The following UBE2Q2 variants were observed in gnomAD, a reference collection of about 807,000 sequenced individuals.
The protein encoded by UBE2Q2 is ubiquitin-conjugating enzyme E2 Q2.
In UBE2Q2, 54 loss-of-function variants were observed where a neutral mutation model predicts 59.9. That is an observed-to-expected ratio of 0.90 (90% CI 0.72 to 1.13). The LOEUF is 1.13. UBE2Q2 is among the 50% of genes most tolerant of loss of function. UBE2Q2 has a pLI of 0.00. For missense variants in UBE2Q2, 433 were observed against 441.9 expected, an observed-to-expected ratio of 0.98 and a Z score of 0.18; for synonymous variants, 165 against 155.2, an observed-to-expected ratio of 1.06 and a Z score of -0.47.
At chr15:75,844,786 A>AG (rs1308298702) in intron 1 of UBE2Q2, among the ~76,000 whole-genome samples, 1 of 152,168 alleles carries the variant, frequency 6.6e-6, no homozygotes, top group Non-Finnish European at 1.5e-5. Flanking sequence ...ATAGGCGTCA[A>AG]GGTGGTGGCT....
intron 2 of UBE2Q2, 110 bp downstream of exon 2, chr15:75,854,597 G>A (rs181409000): frequency 9.4e-5 from 62 of 661,320 alleles, no homozygotes; most frequent in Non-Finnish European, 1.2e-5. Flanking sequence ...TTATAATCTT[G>A]TAGGAATTAA....
chr15:75,857,338 CTAAAA>C (rs1474254437), intron 2 of UBE2Q2, among the ~76,000 whole-genome samples: 3 of 152,030 alleles, frequency 2.0e-5, no homozygotes, highest in Non-Finnish European at 4.4e-5. Context: ...TTTTCAGTAT[CTAAAA>C]TATTACATAA....
intron 3 of UBE2Q2, among the ~76,000 whole-genome samples, chr15:75,863,075 A>G (rs191936710): frequency 2.6e-5 from 4 of 152,284 alleles, no homozygotes; most frequent in East Asian, 3.9e-4. Context: ...AGTGTGTTTC[A>G]GGGCCTGGAA....
intron 11 of UBE2Q2, among the ~76,000 whole-genome samples, chr15:75,894,772 T>G (rs1899302599): frequency 6.6e-6 from 1 of 152,098 alleles, no homozygotes; most frequent in African/African-American, 2.4e-5. Flanking sequence ...AACATTCTTA[T>G]TTTCTCCTTG....
intron 1 of UBE2Q2, among the ~76,000 whole-genome samples, chr15:75,850,441 C>T (rs1375930419): frequency 1.3e-5 from 2 of 152,090 alleles, no homozygotes; most frequent in African/African-American, 4.8e-5. Flanking sequence ...GAATTCTGAC[C>T]ACCCCAAGGT....
chr15:75,888,053 C>G (rs1254222840), intron 9 of UBE2Q2, among the ~76,000 whole-genome samples: 1 of 152,160 alleles, frequency 6.6e-6, no homozygotes, highest in Admixed American at 6.5e-5. Flanking sequence ...TTCTTTATTT[C>G]TTGACATAGC....
intron 3 of UBE2Q2, among the ~76,000 whole-genome samples, chr15:75,862,562 A>G (rs1421049724): frequency 6.6e-6 from 1 of 151,406 alleles, no homozygotes; most frequent in Non-Finnish European, 1.5e-5. Context: ...CACACGTATA[A>G]TCTGAGTGCT....
At chr15:75,861,907 C>T (rs1399130880) in intron 3 of UBE2Q2, among the ~76,000 whole-genome samples, 1 of 152,194 alleles carries the variant, frequency 6.6e-6, no homozygotes, top group African/African-American at 2.4e-5. Flanking sequence ...TGCTCAGCTG[C>T]AGTGGAATGT....
intron 12 of UBE2Q2, among the ~76,000 whole-genome samples, chr15:75,897,329 C>G (rs1156618775): frequency 6.6e-6 from 1 of 152,086 alleles, no homozygotes; most frequent in Non-Finnish European, 1.5e-5. Context: ...AGCTCCGCCT[C>G]CCAGGTTCAT....
chr15:75,899,534 G>C lies in UBE2Q2; in HGVS notation c.*76G>C. ...TCTAACATGCAGACAAAAGCTTTGAGTGCCCCTATTACAGCAGTACCGAAG... is the reference window on the plus strand; with the variant it reads ...TCTAACATGCAGACAAAAGCTTTGACTGCCCCTATTACAGCAGTACCGAAG... On this transcript the variant is annotated 3_prime_UTR_variant, in exon 13 of 13. Coordinates refer to ENST00000267938, the MANE Select transcript of UBE2Q2 (RefSeq NM_173469.4). 1 of 1,262,408 alleles carries C rather than the reference G, an allele frequency of 7.9e-7. No individual in the cohort carries two copies. The highest frequency in any genetic ancestry group is 1.1e-6 in the Non-Finnish European group (1 of 889,568). 78.2% of individuals were successfully genotyped at this position (1,262,408 alleles called of 1,614,324 possible). A position where few individuals can be genotyped will look rare whatever the true frequency, so the allele number is the denominator to read the frequency against.
chr15:75,866,631 A>C (rs987340947), intron 3 of UBE2Q2, among the ~76,000 whole-genome samples: 1 of 152,056 alleles, frequency 6.6e-6, no homozygotes, highest in Admixed American at 6.5e-5. Flanking sequence ...TCTCTTACTT[A>C]CATCTCTTCT....
chr15:75,853,034 A>C (rs1896709358), intron 1 of UBE2Q2, among the ~76,000 whole-genome samples: 1 of 152,244 alleles, frequency 6.6e-6, no homozygotes. Flanking sequence ...AGTTGTTCTG[A>C]AGCTAATATA....
intron 3 of UBE2Q2, 47 bp downstream of exon 3, chr15:75,860,029 A>C: frequency 7.4e-7 from 1 of 1,349,014 alleles, no homozygotes; most frequent in Non-Finnish European, 1.0e-6. Context: ...AAATTGTCTC[A>C]AGCAAAAGTC....
intron 3 of UBE2Q2, among the ~76,000 whole-genome samples, chr15:75,866,981 A>G (rs556630562): frequency 7.9e-5 from 12 of 152,290 alleles, no homozygotes; most frequent in African/African-American, 2.9e-4. Flanking sequence ...CTCTGGTGAT[A>G]CCTGGTTATC....
intron 11 of UBE2Q2, among the ~76,000 whole-genome samples, chr15:75,893,695 A>C (rs1310212379): frequency 6.6e-6 from 1 of 152,244 alleles, no homozygotes; most frequent in Non-Finnish European, 1.5e-5. Context: ...CAGACGATTT[A>C]AAAACAGTTG....
chr15:75,853,431 A>G (rs1455769984), intron 1 of UBE2Q2, among the ~76,000 whole-genome samples: 1 of 147,540 alleles, frequency 6.8e-6, no homozygotes, highest in Non-Finnish European at 1.5e-5. Flanking sequence ...AGATTGTGCC[A>G]TGCACTCCGC....
intron 6 of UBE2Q2, among the ~76,000 whole-genome samples, chr15:75,877,067 A>G (rs1339921254): frequency 1.4e-5 from 2 of 148,038 alleles, no homozygotes; most frequent in Non-Finnish European, 3.0e-5. Flanking sequence ...GGTCTGAGGC[A>G]GGAGAATCAC....
chr15:75,884,593 C>T (rs1338900653), intron 9 of UBE2Q2, among the ~76,000 whole-genome samples: 2 of 152,084 alleles, frequency 1.3e-5, no homozygotes, highest in South Asian at 2.1e-4. Flanking sequence ...TTTAACCTTT[C>T]GTATTACATA....
At chr15:75,857,238 T>C (rs1896965137) in intron 2 of UBE2Q2, among the ~76,000 whole-genome samples, 1 of 151,952 alleles carries the variant, frequency 6.6e-6, no homozygotes. Context: ...GAAAGAGTGG[T>C]AGACATAGTT....
Sources: gnomAD v4.1 joint callset for allele counts (sites outside exome capture counted in the v4.1 genomes callset) on GRCh38, gnomAD v4.1.1 for gene constraint, MANE v1.5 for transcripts, NCBI Gene and HGNC (gene_info 2026-07-23, HGNC 2026-07-21) for gene names.